Variants in VPS11 observed in about 807,000 individuals in gnomAD.
VPS11 encodes VPS11 core subunit of CORVET and HOPS complexes, also known as vacuolar protein sorting-associated protein 11 homolog.
VPS11 carries 51 observed loss-of-function variants against 106.8 expected under a neutral mutation model. The observed-to-expected ratio is 0.48, with a 90% CI of 0.38 to 0.60. VPS11 has a LOEUF of 0.60. Among genes scored for constraint, VPS11 ranks in the 20% least tolerant of loss-of-function variants. The probability of loss-of-function intolerance (pLI) is 0.00; values close to 1 mark genes in which losing one functional copy is unlikely to be tolerated. For missense variants in VPS11, 950 were observed against 1,190.0 expected (o/e 0.80, Z 2.97); for synonymous variants, 453 against 458.7 (o/e 0.99, Z 0.16).
chr11:119,077,913 G>A lies in VPS11; in HGVS notation c.1608G>A (p.Leu536=). The change falls in exon 10 of 16, where the codon CTG becomes CTA. Residue 536 remains leucine, a synonymous_variant. Coordinates refer to ENST00000621676, the MANE Select transcript of VPS11 (RefSeq NM_021729.6). ...AAGCCCTTCGATACATCGGCAAGCTGCCTTTTGAGCAGGCAGAGAGCAACA... is the reference window on the plus strand; with the variant it reads ...AAGCCCTTCGATACATCGGCAAGCTACCTTTTGAGCAGGCAGAGAGCAACA... ...YQEALRYIGK[L]PFEQAESNMK... is the part of the protein sequence containing the mutation. 2 of 1,614,052 alleles carry A rather than the reference G, an allele frequency of 1.2e-6. No homozygotes were observed. The highest frequency in any genetic ancestry group is 1.7e-6 in the Non-Finnish European group (2 of 1,179,906).
chr11:119,081,456 C>T lies in VPS11; in HGVS notation c.2662-3C>T, dbSNP rs782016358. The T allele has an allele frequency of 4.7e-5, 76 of 1,613,906 alleles. 1 individual carries two copies. The East Asian group carries it at 1.5e-3, about 33-fold the overall frequency. Reference sequence around the variant, plus strand: ...GTATTCCTTCCCTCCTCTTCTCCTGCAGCTCAAGTGCTCCAATGACAGCTT... The same window carrying T: ...GTATTCCTTCCCTCCTCTTCTCCTGTAGCTCAAGTGCTCCAATGACAGCTT... On this transcript the variant is annotated splice_polypyrimidine_tract_variant and splice_region_variant and intron_variant, in intron 15 of 15. Coordinates refer to ENST00000621676, the MANE Select transcript of VPS11 (RefSeq NM_021729.6).
Position 119,078,754 on chromosome 11 carries a change from C to T in VPS11, c.2064-41C>T, listed in dbSNP as rs530444154. On this transcript the variant is annotated intron_variant, in intron 12 of 15. Transcript: ENST00000621676. Reference sequence around the variant, plus strand: ...AAAGGGGAAGAATCCAAGTCATTTTCCAGAGACAGCCACTGAGGTGTGCCC... The same window carrying T: ...AAAGGGGAAGAATCCAAGTCATTTTTCAGAGACAGCCACTGAGGTGTGCCC... 30 of 1,608,658 alleles carry T rather than the reference C, an allele frequency of 1.9e-5. No individual in the cohort carries two copies. In the Admixed American group the frequency reaches 3.7e-4, roughly 20 times the overall value.
intron 7 of VPS11, among the ~76,000 whole-genome samples, chr11:119,076,664 A>C (rs1164547598): frequency 1.3e-5 from 2 of 152,204 alleles, no homozygotes; most frequent in African/African-American, 4.8e-5. Flanking sequence ...TAGAATTCCT[A>C]TTTTTAGCCA....
chr11:119,074,656 C>T (rs1214462248), intron 7 of VPS11, among the ~76,000 whole-genome samples: 3 of 152,162 alleles, frequency 2.0e-5, no homozygotes, highest in Admixed American at 1.3e-4. Flanking sequence ...CTGCCTGCCT[C>T]GGCCTCCCAA....
At chr11:119,073,483 G>T in intron 6 of VPS11, 84 bp downstream of exon 6, 1 of 1,497,366 alleles carries the variant, frequency 6.7e-7, no homozygotes, top group Non-Finnish European at 9.0e-7. Context: ...ATTGGCCAGG[G>T]TGTTTCCCTC....
chr11:119,077,578 T>C lies in VPS11; in HGVS notation c.1503T>C (p.His501=). 6.2e-7 allele frequency: 1 copy of C among 1,613,982 alleles called. No homozygotes were observed. Among genetic ancestry groups the C allele is most frequent in the Non-Finnish European group, 8.5e-7 (1 of 1,179,868 alleles). ...TCCGGCAGGCTGGCTACTACTCCCA[T>C]GCCCTGTATCTGGCGGAGAACCATG... ...KVLRQAGYYS[H]ALYLAENHAH... The change falls in exon 9 of 16, where the codon CAT becomes CAC. Residue 501 remains histidine, a synonymous_variant. Coordinates refer to ENST00000621676, the MANE Select transcript of VPS11 (RefSeq NM_021729.6).
intron 14 of VPS11, among the ~76,000 whole-genome samples, chr11:119,080,528 C>T (rs1319600514): frequency 1.3e-5 from 2 of 151,850 alleles, no homozygotes; most frequent in African/African-American, 2.4e-5. Flanking sequence ...GCCATCATGC[C>T]TGGCTAATCT....
chr11:119,077,368 G>A (rs1205741875), intron 8 of VPS11, 133 bp from the exon 9 acceptor site: 17 of 1,300,836 alleles, frequency 1.3e-5, no homozygotes, highest in Non-Finnish European at 1.8e-5. Flanking sequence ...ACTCCCACAG[G>A]CTGAGTAGCA....
At chr11:119,068,476 G>A (rs1221540141) in intron 1 of VPS11, among the ~76,000 whole-genome samples, 1 of 124,204 alleles carries the variant, frequency 8.1e-6, no homozygotes, top group Non-Finnish European at 1.6e-5. Context: ...TTGATACGGA[G>A]TCTTACTCTG....
chr11:119,078,534 G>A (rs1945723623), intron 11 of VPS11, 31 bp from the exon 12 acceptor site: 1 of 1,599,580 alleles, frequency 6.3e-7, no homozygotes, highest in Admixed American at 1.7e-5. Flanking sequence ...TTCCCCTTTT[G>A]TCCAGCAGCT....
rs782248932 is a variant in VPS11, at chr11:119,078,771, G to A, written c.2064-24G>A. 4 of 1,610,918 alleles carry A rather than the reference G, an allele frequency of 2.5e-6. No individual in the cohort carries two copies. The Admixed American group carries it at 6.7e-5, about 27-fold the overall frequency. ...GTCATTTTCCAGAGACAGCCACTGA[G>A]GTGTGCCCTTGCCCCGGCCGCAGGT... On this transcript the variant is annotated intron_variant, in intron 12 of 15. Coordinates refer to ENST00000621676, the MANE Select transcript of VPS11 (RefSeq NM_021729.6).
Position 119,069,281 on chromosome 11 carries a change from C to T in VPS11, c.273C>T (p.Tyr91=), listed in dbSNP as rs1380099577. ...ACAAACTACGGGTGACACACCTGTA[C>T]CAACTGAAGCAGCACAATATTCTGG... The part of the protein sequence containing the change: ...QAYKLRVTHL[Y]QLKQHNILAS... Residue 91 remains tyrosine (Y), a synonymous_variant, in exon 2 of 16, where the codon TAC becomes TAT. Transcript: ENST00000621676. 2 of 1,613,984 alleles carry T rather than the reference C, an allele frequency of 1.2e-6. No individual in the cohort carries two copies. The highest frequency in any genetic ancestry group is 8.5e-7 in the Non-Finnish European group (1 of 1,179,896).
intron 4 of VPS11, chr11:119,070,600 G>T: frequency 2.3e-6 from 1 of 439,370 alleles, no homozygotes; most frequent in Non-Finnish European, 3.6e-6. Context: ...AAAAAGATGT[G>T]AATTTTCTTT....
intron 3 of VPS11, among the ~76,000 whole-genome samples, chr11:119,069,955 G>A (rs1205550224): frequency 2.0e-5 from 3 of 151,298 alleles, no homozygotes; most frequent in Non-Finnish European, 4.4e-5. Flanking sequence ...CCAAGATCGC[G>A]CCATTGCACT....
At chr11:119,069,002 C>T (rs1469044810) in intron 1 of VPS11, among the ~76,000 whole-genome samples, 194 bp from the exon 2 acceptor site, 1 of 51,390 alleles carries the variant, frequency 1.9e-5, no homozygotes, top group African/African-American at 7.6e-5. Context: ...CCGCACCCCC[C>T]CCCCCCCCCG....
At chr11:119,071,952 C>T (rs542671021) in intron 5 of VPS11, 109 bp downstream of exon 5, 379 of 1,397,748 alleles carry the variant, frequency 2.7e-4, no homozygotes, top group African/African-American at 1.4e-3. Flanking sequence ...ACTCCTACTC[C>T]GGTGTTATGT....
At chr11:119,069,415 A>G in intron 2 of VPS11, 27 bp from the exon 3 acceptor site, 1 of 1,613,920 alleles carries the variant, frequency 6.2e-7, no homozygotes, top group Non-Finnish European at 8.5e-7. Context: ...GATGACTAGC[A>G]TTTACACTTC....
At position 119,067,909 on chromosome 11, in the gene VPS11, C is replaced by G; in HGVS notation, c.86C>G (p.Pro29Arg). 6.2e-7 allele frequency: 1 copy of G among 1,606,122 alleles called. No individual in the cohort carries two copies. The highest frequency in any genetic ancestry group is 8.5e-7 in the Non-Finnish European group (1 of 1,176,342). Reference protein sequence around the residue: ...KEPLSNDGAAPGATPASGSAA... With the variant: ...KEPLSNDGAARGATPASGSAA... The stretch of plus-strand genomic sequence containing the variant: ...CCGCTGAGCAATGATGGGGCCGCTC[C>G]CGGGGCCACACCTGCTTCTGGATCC... The change falls in exon 1 of 16, where the codon CCC becomes CGC. Residue 29 changes from proline (P) to arginine (R), a missense_variant. This residue lies in a region of VPS11 where 62 missense variants were observed against 45.1 expected (regional missense o/e 1.37). Transcript: ENST00000621676.
chr11:119,078,824 A>T lies in VPS11; in HGVS notation c.2093A>T (p.Gln698Leu). The T allele has an allele frequency of 6.2e-7, 1 of 1,613,818 alleles. No homozygotes were observed. Among genetic ancestry groups the T allele is most frequent in the Non-Finnish European group, 8.5e-7 (1 of 1,179,802 alleles). The change falls in exon 13 of 16, where the codon CAG becomes CTG. Residue 698 changes from glutamine to leucine, a missense_variant. This residue lies in a region of VPS11 where 453 missense variants were observed against 514.6 expected (regional missense o/e 0.88). Coordinates refer to ENST00000621676, the MANE Select transcript of VPS11 (RefSeq NM_021729.6). ...CAGCAGATCATGCACTACCACATGC[A>T]GCACGAGCAGTACCGGCAGGTCATC... is the stretch of plus-strand genomic sequence containing the variant. ...LFQQIMHYHM[Q>L]HEQYRQVISV... is the part of the protein sequence containing the mutation.
Sources: gnomAD v4.1 joint callset for allele counts (sites outside exome capture counted in the v4.1 genomes callset) on GRCh38, gnomAD v4.1.1 for gene constraint, gnomAD v4.1.1 regional missense constraint, MANE v1.5 for transcripts, NCBI Gene and HGNC (gene_info 2026-07-23, HGNC 2026-07-21) for gene names.